MAF: variants seen among roughly 807,000 people sequenced by gnomAD.
MAF encodes the protein transcription factor Maf.
A neutral mutation model predicts 22.0 loss-of-function variants in MAF; 10 were observed. The ratio of observed to expected loss-of-function variants is 0.45; its 90% CI spans 0.28 to 0.77. The LOEUF (loss-of-function observed/expected upper bound fraction) is 0.77, where lower values mean the gene tolerates loss of function less well. Ranked by LOEUF, MAF falls within the 30% of genes least tolerant of loss-of-function variation. The pLI, the probability that MAF is intolerant of heterozygous loss-of-function variation, is 0.12. For missense variants in MAF, 544 were observed against 548.4 expected, an observed-to-expected ratio of 0.99 and a Z score of 0.08; for synonymous variants, 337 against 255.8, an observed-to-expected ratio of 1.32 and a Z score of -3.03.
the MAF span, among the ~76,000 whole-genome samples, chr16:79,482,213 A>G: frequency 6.6e-6 from 1 of 152,230 alleles, no homozygotes; most frequent in Non-Finnish European, 1.5e-5. Context: ...AGGGGAGACC[A>G]CAGTCATATG....
chr16:79,495,799 C>G, the MAF span, among the ~76,000 whole-genome samples: 1 of 152,244 alleles, frequency 6.6e-6, no homozygotes, highest in South Asian at 2.1e-4. Context: ...CTACACTGGT[C>G]CATTCGTTCA....
the MAF span, among the ~76,000 whole-genome samples, chr16:79,261,993 C>T: frequency 6.6e-6 from 1 of 152,158 alleles, no homozygotes; most frequent in Non-Finnish European, 1.5e-5. Context: ...CTGCAGAAAA[C>T]ATCATGCACA....
chr16:79,326,165 A>T, the MAF span, among the ~76,000 whole-genome samples: 1 of 152,204 alleles, frequency 6.6e-6, no homozygotes, highest in East Asian at 1.9e-4. Flanking sequence ...TATAGACTGA[A>T]GATTTTCTTG....
downstream of MAF, among the ~76,000 whole-genome samples, chr16:79,584,108 G>C (rs1402097172): frequency 6.6e-6 from 1 of 152,082 alleles, no homozygotes; most frequent in Non-Finnish European, 1.5e-5. Flanking sequence ...ATGCTTCTGA[G>C]ACTACATAAA....
At chr16:79,353,408 C>A in the MAF span, among the ~76,000 whole-genome samples, 2 of 152,142 alleles carry the variant, frequency 1.3e-5, no homozygotes, top group Non-Finnish European at 2.9e-5. Flanking sequence ...GGATTACAGG[C>A]TTGAGCCACC....
the MAF span, among the ~76,000 whole-genome samples, chr16:79,486,168 A>C: frequency 6.6e-6 from 1 of 152,142 alleles, no homozygotes; most frequent in South Asian, 2.1e-4. Context: ...CCCTCTTTTC[A>C]TGTGGGGCTC....
the MAF span, among the ~76,000 whole-genome samples, chr16:79,439,581 C>G: frequency 3.4e-3 from 510 of 152,222 alleles, 5 homozygotes; most frequent in African/African-American, 0.011. Flanking sequence ...ATTTATTAAT[C>G]TCTTCTTGCT....
chr16:79,425,880 T>C, the MAF span, among the ~76,000 whole-genome samples: 4 of 152,178 alleles, frequency 2.6e-5, no homozygotes, highest in African/African-American at 9.7e-5. Flanking sequence ...TTCACAAATT[T>C]CATAACTACA....
downstream of MAF, among the ~76,000 whole-genome samples, chr16:79,591,738 G>A (rs1913202131): frequency 2.6e-5 from 4 of 152,124 alleles, no homozygotes; most frequent in South Asian, 2.1e-4. Flanking sequence ...CACACAGAGG[G>A]CCTTCGAATT....
At chr16:79,578,329 G>A in the MAF span, among the ~76,000 whole-genome samples, 1 of 152,044 alleles carries the variant, frequency 6.6e-6, no homozygotes, top group Non-Finnish European at 1.5e-5. Context: ...TTGCCCCAGA[G>A]AGTCACACCA....
downstream of MAF, among the ~76,000 whole-genome samples, chr16:79,581,416 C>A (rs58901283): frequency 0.013 from 2,012 of 152,300 alleles, 50 homozygotes; most frequent in African/African-American, 0.045. Flanking sequence ...GGAGTCAACC[C>A]TGGCGTTAGA....
chr16:79,393,020 G>GT, the MAF span, among the ~76,000 whole-genome samples: 4 of 152,090 alleles, frequency 2.6e-5, no homozygotes, highest in African/African-American at 7.2e-5. Flanking sequence ...CTTCCAGGAA[G>GT]TTTTTTTTCT....
the MAF span, among the ~76,000 whole-genome samples, chr16:79,402,025 A>G: frequency 5.3e-5 from 8 of 152,182 alleles, no homozygotes; most frequent in African/African-American, 1.9e-4. Flanking sequence ...AAAGTCACAC[A>G]GCTACTAAGT....
chr16:79,235,151 C>T, the MAF span, among the ~76,000 whole-genome samples: 36 of 152,094 alleles, frequency 2.4e-4, no homozygotes, highest in South Asian at 8.3e-4. Context: ...CAAAGCTCAC[C>T]GGGAAAGTGG....
At chr16:79,442,843 A>G in the MAF span, among the ~76,000 whole-genome samples, 2 of 152,232 alleles carry the variant, frequency 1.3e-5, no homozygotes, top group South Asian at 4.1e-4. Context: ...AGGGTAAACC[A>G]CACCCAACAG....
chr16:79,593,291 G>A (rs1185066821), downstream of MAF, among the ~76,000 whole-genome samples: 1 of 152,116 alleles, frequency 6.6e-6, no homozygotes, highest in African/African-American at 2.4e-5. Context: ...ACCTTTGAAC[G>A]TGTCATAGGC....
chr16:79,555,452 C>G, the MAF span, among the ~76,000 whole-genome samples: 1 of 152,150 alleles, frequency 6.6e-6, no homozygotes, highest in Admixed American at 6.5e-5. Flanking sequence ...AAAAAAGCAC[C>G]GATTTTTAGT....
the MAF span, among the ~76,000 whole-genome samples, chr16:79,217,099 C>T: frequency 3.9e-5 from 6 of 152,232 alleles, no homozygotes; most frequent in African/African-American, 9.6e-5. Flanking sequence ...CATGAGCCAT[C>T]GCACCCGGTG....
chr16:79,298,472 A>G, the MAF span, among the ~76,000 whole-genome samples: 2 of 152,142 alleles, frequency 1.3e-5, no homozygotes, highest in African/African-American at 2.4e-5. Context: ...ACAACCATAT[A>G]TTTCCCTTGA....
Sources: allele counts gnomAD v4.1 joint callset (sites outside exome capture counted in the v4.1 genomes callset), GRCh38; gene constraint gnomAD v4.1.1; transcripts MANE v1.5; gene names NCBI Gene and HGNC (gene_info 2026-07-23, HGNC 2026-07-21).